THADA: variants seen among roughly 807,000 people sequenced by gnomAD.
THADA encodes the protein tRNA (32-2'-O)-methyltransferase regulator THADA.
THADA carries 213 observed loss-of-function variants against 219.8 expected under a neutral mutation model. The observed-to-expected ratio is 0.97, with a 90% CI of 0.87 to 1.09. THADA has a LOEUF of 1.09. THADA is among the 50% of genes least tolerant of loss of function. The pLI is 0.00. For synonymous variants in THADA, 1,018 were observed against 828.9 expected (o/e 1.23, Z -3.92); for missense variants, 2,956 against 2,311.3 (o/e 1.28, Z -5.72).
chr2:43,368,168 T>C (rs184727752), intron 29 of THADA, among the ~76,000 whole-genome samples: 9 of 152,202 alleles, frequency 5.9e-5, no homozygotes, highest in East Asian at 3.9e-4. Context: ...CCTTTCTCCA[T>C]TGCAGACTAC....
intron 16 of THADA, 92 bp downstream of exon 16, chr2:43,560,142 T>C: frequency 9.0e-7 from 1 of 1,114,954 alleles, no homozygotes; most frequent in South Asian, 1.9e-5. Flanking sequence ...AGCAGGCAGA[T>C]GCAAAGCACA....
intron 26 of THADA, among the ~76,000 whole-genome samples, chr2:43,465,855 G>A (rs1004466720): frequency 1.3e-5 from 2 of 152,054 alleles, no homozygotes; most frequent in Admixed American, 1.3e-4. Flanking sequence ...TCAAAACACA[G>A]GGGCAAAACT....
rs35720761 is a variant in THADA, at chr2:43,292,838, C to T, written c.4814G>A (p.Cys1605Tyr). ...TCAGTACGTTGGAGACTTTACCTTG[C>T]AGAAGCATTCTGGGTGATTTTCCTT... ...AMKENHPECF[C>Y]KILKILHCMD... is the part of the protein sequence containing the mutation. The change falls in exon 32 of 38, where the codon TGC becomes TAC. Residue 1605 changes from cysteine (C) to tyrosine (Y), a missense_variant. Cys to Tyr is a radical substitution (Grantham distance 194). Coordinates refer to ENST00000405975, the MANE Select transcript of THADA (RefSeq NM_022065.5). The T allele has an allele frequency of 0.11, 183,903 of 1,611,428 alleles. 11,391 individuals are homozygous for T. Among genetic ancestry groups the T allele is most frequent in the Admixed American group, 0.14 (8,231 of 59,992 alleles).
intron 36 of THADA, among the ~76,000 whole-genome samples, chr2:43,264,703 T>C (rs917955255): frequency 1.3e-5 from 2 of 151,894 alleles, no homozygotes; most frequent in Admixed American, 6.6e-5. Flanking sequence ...CTACTCTGGA[T>C]TGGGAGAAAA....
Position 43,280,575 on chromosome 2 carries a change from T to A in THADA, c.5165-679A>T, listed in dbSNP as rs112981749. Among the ~76,000 whole-genome samples, 490 of 152,208 alleles carry A rather than the reference T, an allele frequency of 3.2e-3. 3 individuals carry two copies. Among genetic ancestry groups the A allele is most frequent in the African/African-American group, 0.012 (482 of 41,522 alleles). The stretch of plus-strand genomic sequence containing the variant: ...TGAACCTGAGAGGCAGAGGTTGCAG[T>A]GAACTGAGATCGTGCCACTGCACTC... On this transcript the variant is annotated intron_variant, in intron 35 of 37. Coordinates refer to ENST00000405975, the MANE Select transcript of THADA (RefSeq NM_022065.5).
intron 31 of THADA, among the ~76,000 whole-genome samples, chr2:43,304,748 C>T (rs1211953912): frequency 1.3e-5 from 2 of 151,618 alleles, no homozygotes; most frequent in East Asian, 1.9e-4. Flanking sequence ...CTCGGCTCAC[C>T]GCAACCTCCG....
At chr2:43,457,133 TACACACACACACACACAC>T (rs35803641) in intron 26 of THADA, among the ~76,000 whole-genome samples, 346 of 126,258 alleles carry the variant, frequency 2.7e-3, no homozygotes, top group African/African-American at 8.0e-3. Flanking sequence ...TTAGGATATC[TACACACACACACACACAC>T]ACACACACAC....
intron 7 of THADA, among the ~76,000 whole-genome samples, chr2:43,582,912 T>C (rs1700610915): frequency 1.3e-5 from 2 of 152,118 alleles, no homozygotes; most frequent in South Asian, 4.1e-4. Flanking sequence ...GATTTTCCCC[T>C]ACTTCACCAG....
chr2:43,512,491 T>A (rs1690613620), intron 22 of THADA, among the ~76,000 whole-genome samples: 1 of 152,152 alleles, frequency 6.6e-6, no homozygotes, highest in Non-Finnish European at 1.5e-5. Flanking sequence ...AAGTTTTTTG[T>A]TTGTTTGTTT....
chr2:43,279,337 G>A (rs1179640159), intron 36 of THADA, among the ~76,000 whole-genome samples: 2 of 152,076 alleles, frequency 1.3e-5, no homozygotes, highest in African/African-American at 4.8e-5. Context: ...CTCGCTTTCT[G>A]TCACATATAA....
At chr2:43,248,342 A>G (rs1669475214) in intron 36 of THADA, among the ~76,000 whole-genome samples, 1 of 151,578 alleles carries the variant, frequency 6.6e-6, no homozygotes. Flanking sequence ...CGATTCTCCC[A>G]CTTCAGCTTC....
At chr2:43,525,054 G>C (rs1025154929) in intron 22 of THADA, among the ~76,000 whole-genome samples, 4 of 152,134 alleles carry the variant, frequency 2.6e-5, no homozygotes, top group African/African-American at 9.6e-5. Context: ...TCTAACATCT[G>C]ACTTAAGTAT....
At chr2:43,334,791 C>A (rs1350388703) in intron 30 of THADA, among the ~76,000 whole-genome samples, 1 of 150,552 alleles carries the variant, frequency 6.6e-6, no homozygotes, top group Admixed American at 6.6e-5. Context: ...AAAAAAAAAA[C>A]AAAAAAAACA....
chr2:43,529,105 A>T (rs1477680120), intron 21 of THADA, among the ~76,000 whole-genome samples: 1 of 152,080 alleles, frequency 6.6e-6, no homozygotes, highest in East Asian at 1.9e-4. Context: ...GCTTTCCTAC[A>T]TGCTGTCTTT....
intron 31 of THADA, among the ~76,000 whole-genome samples, chr2:43,296,424 C>T (rs931400607): frequency 6.6e-6 from 1 of 151,916 alleles, no homozygotes; most frequent in African/African-American, 2.4e-5. Context: ...TACAGGCACA[C>T]GCCACCACAC....
chr2:43,356,461 T>G (rs1055167852), intron 29 of THADA, among the ~76,000 whole-genome samples: 54 of 152,252 alleles, frequency 3.5e-4, no homozygotes, highest in African/African-American at 1.3e-3. Context: ...CTGAAAACTT[T>G]TATATAGCAA....
chr2:43,290,915 G>A (rs1414199096), intron 34 of THADA, among the ~76,000 whole-genome samples: 1 of 152,046 alleles, frequency 6.6e-6, no homozygotes, highest in Non-Finnish European at 1.5e-5. Context: ...AAAACAGGTG[G>A]GGCGCATCTG....
At chr2:43,354,510 C>G (rs1381131072) in intron 29 of THADA, among the ~76,000 whole-genome samples, 1 of 151,534 alleles carries the variant, frequency 6.6e-6, no homozygotes, top group African/African-American at 2.4e-5. Context: ...ATCCCCCTTT[C>G]CTTTCCTCCC....
chr2:43,470,036 C>T lies in THADA; in HGVS notation c.3836+15198G>A, dbSNP rs1332322949. ...GGCCAGCATGGGCAACATGACAAAA[C>T]CCCATCTCTAAAAATAACACAAAAA... On this transcript the variant is annotated intron_variant, in intron 26 of 37. Coordinates refer to ENST00000405975, the MANE Select transcript of THADA (RefSeq NM_022065.5). Among the ~76,000 whole-genome samples the T allele has an allele frequency of 6.6e-5, 10 of 151,856 alleles. No individual in the cohort carries two copies. The South Asian group carries it at 1.7e-3, about 25-fold the overall frequency.
Sources: allele counts gnomAD v4.1 joint callset (sites outside exome capture counted in the v4.1 genomes callset), GRCh38; gene constraint gnomAD v4.1.1; transcripts MANE v1.5; gene names NCBI Gene and HGNC (gene_info 2026-07-23, HGNC 2026-07-21).